Variants in SERF1B observed in about 807,000 individuals in gnomAD.
The protein encoded by SERF1B is small EDRK-rich factor 1.
At chr5:70,029,089 C>G (rs1247823766) in intron 2 of SERF1B, among the ~76,000 whole-genome samples, 1 of 151,704 alleles carries the variant, frequency 6.6e-6, no homozygotes, top group Non-Finnish European at 1.5e-5. Context: ...GGTCAGAGGT[C>G]GAGCATTAAA....
chr5:70,041,356 A>G (rs1774254589), intron 2 of SERF1B, among the ~76,000 whole-genome samples, 168 bp from the exon 3 acceptor site: 1 of 149,634 alleles, frequency 6.7e-6, no homozygotes, highest in African/African-American at 2.6e-5. Context: ...ATTCCCCTGA[A>G]CTAACCAATG....
chr5:70,034,892 A>T (rs1462455679), intron 2 of SERF1B, among the ~76,000 whole-genome samples: 1 of 4,330 alleles, frequency 2.3e-4, no homozygotes, highest in Non-Finnish European at 3.5e-4. Flanking sequence ...GTATATTGTA[A>T]TATATATATA....
chr5:70,036,631 T>TCTCTCTCTCTCC (rs1561408617), intron 2 of SERF1B, among the ~76,000 whole-genome samples: 8 of 74,734 alleles, frequency 1.1e-4, no homozygotes, highest in African/African-American at 3.8e-4. Flanking sequence ...ACACACACAC[T>TCTCTCTCTCTCC]CTCTCTCTCT....
intron 2 of SERF1B, among the ~76,000 whole-genome samples, chr5:70,028,551 T>TAAA (rs1439303817): frequency 2.3e-4 from 8 of 34,206 alleles, no homozygotes; most frequent in African/African-American, 5.6e-4. Context: ...AGACTCCGTC[T>TAAA]CAAAAAAAAA....
intron 2 of SERF1B, among the ~76,000 whole-genome samples, chr5:70,029,205 G>A (rs1444092839): frequency 6.6e-6 from 1 of 151,414 alleles, no homozygotes; most frequent in Non-Finnish European, 1.5e-5. Context: ...GCGTGATCTC[G>A]GCTCACTGCA....
At chr5:70,038,197 T>C (rs1774224943) in intron 2 of SERF1B, among the ~76,000 whole-genome samples, 1 of 151,176 alleles carries the variant, frequency 6.6e-6, no homozygotes, top group Non-Finnish European at 1.5e-5. Context: ...CATAAGTTTT[T>C]GTCAAATACT....
At chr5:70,029,511 G>A (rs1379896153) in intron 2 of SERF1B, among the ~76,000 whole-genome samples, 11 of 145,918 alleles carry the variant, frequency 7.5e-5, no homozygotes, top group South Asian at 2.1e-4. Flanking sequence ...TATGCACAAC[G>A]TGCAGGTTTG....
chr5:70,031,815 CT>C (rs1278120683), intron 2 of SERF1B, among the ~76,000 whole-genome samples: 2 of 48,438 alleles, frequency 4.1e-5, no homozygotes, highest in Non-Finnish European at 4.6e-5. Context: ...TAGTGACTAG[CT>C]TTTGGGCTTT....
At chr5:70,041,378 A>T (rs1374136001) in intron 2 of SERF1B, 146 bp from the exon 3 acceptor site, 3 of 695,042 alleles carry the variant, frequency 4.3e-6, no homozygotes, top group Non-Finnish European at 8.0e-6. Context: ...TAATAATGGT[A>T]TACTTCTCTC....
intron 2 of SERF1B, 117 bp from the exon 3 acceptor site, chr5:70,041,407 C>G: frequency 1.5e-6 from 1 of 680,612 alleles, no homozygotes; most frequent in Non-Finnish European, 2.7e-6. Flanking sequence ...TGCAAACATG[C>G]ATACACACAC....
At chr5:70,041,313 G>A (rs1474195579) in intron 2 of SERF1B, among the ~76,000 whole-genome samples, 42 of 147,176 alleles carry the variant, frequency 2.9e-4, no homozygotes, top group Non-Finnish European at 1.5e-5. Flanking sequence ...ATACACACAC[G>A]TATACTCTCT....
chr5:70,028,991 T>C (rs1490858696), intron 2 of SERF1B, among the ~76,000 whole-genome samples: 4 of 152,010 alleles, frequency 2.6e-5, no homozygotes, highest in Admixed American at 2.6e-4. Flanking sequence ...AAAAAACCTT[T>C]ATGTGTACAA....
chr5:70,041,307 A>C (rs1774253205), intron 2 of SERF1B, among the ~76,000 whole-genome samples: 3 of 147,466 alleles, frequency 2.0e-5, no homozygotes, highest in African/African-American at 8.1e-5. Context: ...ATTTATATAC[A>C]CACACGTATA....
At chr5:70,041,124 AGTTT>A (rs1207365366) in intron 2 of SERF1B, among the ~76,000 whole-genome samples, 1 of 147,334 alleles carries the variant, frequency 6.8e-6, no homozygotes, top group African/African-American at 2.5e-5. Flanking sequence ...TTTTTGTTTT[AGTTT>A]GTTTTTAATG....
intron 2 of SERF1B, among the ~76,000 whole-genome samples, chr5:70,029,463 T>A (rs1201412301): frequency 1.4e-5 from 2 of 147,798 alleles, no homozygotes; most frequent in South Asian, 4.3e-4. Context: ...TTTTTTTGAA[T>A]TTTTTTTTTA....
intron 2 of SERF1B, among the ~76,000 whole-genome samples, chr5:70,029,181 G>A (rs1228527737): frequency 6.6e-6 from 1 of 150,884 alleles, no homozygotes; most frequent in East Asian, 2.0e-4. Context: ...TGTTGCCCAT[G>A]CTGGAGGGCA....
rs1423456519 is a variant in SERF1B at position 70,035,386 on chromosome 5, T to TTATTA, written c.117-6137_117-6136insATTAT. Among the ~76,000 whole-genome samples, 139 of 123,308 alleles carry TTATTA rather than the reference T, an allele frequency of 1.1e-3. 2 individuals are homozygous for TTATTA. Among genetic ancestry groups the TTATTA allele is most frequent in the South Asian group, 4.9e-3 (20 of 4,064 alleles). The allele number at this position is 123,308 out of a possible 152,430, so 80.9% of individuals were successfully genotyped here. ...TTTAATTATTATTATTATTATTATT[T>TTATTA]TTTTTTTTTTTTGAGACGGAGTTTC... On this transcript the variant is annotated intron_variant, in intron 2 of 2. Transcript: ENST00000380750.
At chr5:70,029,245 C>T (rs541713117) in intron 2 of SERF1B, among the ~76,000 whole-genome samples, 151 of 151,812 alleles carry the variant, frequency 9.9e-4, no homozygotes, top group Non-Finnish European at 1.8e-3. Flanking sequence ...AAGCGATTCT[C>T]CTGCGTCAGC....
intron 2 of SERF1B, among the ~76,000 whole-genome samples, chr5:70,029,523 TAC>T (rs1440595432): frequency 2.7e-5 from 4 of 148,860 alleles, no homozygotes; most frequent in African/African-American, 1.0e-4. Context: ...GCAGGTTTGT[TAC>T]ATAGATATAC....
Sources: allele counts gnomAD v4.1 joint callset (sites outside exome capture counted in the v4.1 genomes callset), GRCh38; gene constraint gnomAD v4.1.1; transcripts MANE v1.5; gene names NCBI Gene and HGNC (gene_info 2026-07-23, HGNC 2026-07-21).